The following STXBP4 variants were observed in gnomAD, a reference collection of about 807,000 sequenced individuals.
STXBP4 encodes the protein syntaxin-binding protein 4.
A neutral mutation model predicts 76.1 loss-of-function variants in STXBP4; 55 were observed. That is an observed-to-expected ratio of 0.72 (90% CI 0.58 to 0.91). The LOEUF (loss-of-function observed/expected upper bound fraction) is 0.91. STXBP4 is among the 40% of genes least tolerant of loss of function. The pLI, the probability that STXBP4 is intolerant of heterozygous loss-of-function variation, is 0.00. For missense variants in STXBP4, 618 were observed against 636.9 expected, an observed-to-expected ratio of 0.97 and a Z score of 0.32; for synonymous variants, 201 against 220.2, an observed-to-expected ratio of 0.91 and a Z score of 0.77.
chr17:55,066,195 GTTGTT>G (rs4048521), intron 12 of STXBP4, among the ~76,000 whole-genome samples: 42,834 of 148,884 alleles, frequency 0.29, 6,256 homozygotes, highest in South Asian at 0.36. Context: ...TGTGGGTTTT[GTTGTT>G]TTGTTTTGTT....
chr17:55,087,006 A>G (rs867681903), intron 16 of STXBP4, among the ~76,000 whole-genome samples: 1 of 152,034 alleles, frequency 6.6e-6, no homozygotes, highest in Non-Finnish European at 1.5e-5. Flanking sequence ...CATTTCCCTG[A>G]CGATTAGTGA....
intron 10 of STXBP4, among the ~76,000 whole-genome samples, chr17:55,035,598 T>A (rs1312198874): frequency 6.6e-6 from 1 of 151,922 alleles, no homozygotes; most frequent in African/African-American, 2.4e-5. Context: ...AAATTAAAAT[T>A]TTCTTCCATA....
At chr17:55,005,230 C>G (rs1459226043) in intron 7 of STXBP4, among the ~76,000 whole-genome samples, 1 of 152,106 alleles carries the variant, frequency 6.6e-6, no homozygotes, top group African/African-American at 2.4e-5. Context: ...GGTTTATTCC[C>G]TCTACTTTAT....
At chr17:55,008,980 CA>C (rs2078056645) in intron 8 of STXBP4, among the ~76,000 whole-genome samples, 1 of 152,168 alleles carries the variant, frequency 6.6e-6, no homozygotes, top group Non-Finnish European at 1.5e-5. Context: ...TAGTTCGGAC[CA>C]ACATTGCCTT....
intron 10 of STXBP4, among the ~76,000 whole-genome samples, chr17:55,041,048 G>T (rs1318830882): frequency 6.6e-6 from 1 of 151,880 alleles, no homozygotes; most frequent in Non-Finnish European, 1.5e-5. Flanking sequence ...ATTATAAAAC[G>T]TTTTTTTAAG....
intron 17 of STXBP4, among the ~76,000 whole-genome samples, chr17:55,151,768 G>GCTT (rs1410425071): frequency 5.9e-5 from 9 of 152,164 alleles, no homozygotes; most frequent in African/African-American, 2.2e-4. Context: ...AACAAGATTT[G>GCTT]CTTAGCTAAA....
chr17:55,053,114 T>C (rs1044784824), intron 12 of STXBP4, among the ~76,000 whole-genome samples: 7 of 151,986 alleles, frequency 4.6e-5, no homozygotes, highest in Admixed American at 6.6e-5. Flanking sequence ...AAGGATATTA[T>C]TGGGTCAGTT....
chr17:54,992,951 G>A (rs904476221), intron 4 of STXBP4, among the ~76,000 whole-genome samples: 2 of 151,946 alleles, frequency 1.3e-5, no homozygotes, highest in Non-Finnish European at 2.9e-5. Flanking sequence ...AACCTCAGGC[G>A]ATCCATCCGC....
chr17:55,111,729 A>G (rs1438608961), intron 16 of STXBP4, among the ~76,000 whole-genome samples: 5 of 152,304 alleles, frequency 3.3e-5, no homozygotes, highest in South Asian at 4.1e-4. Context: ...CCATGTTTGT[A>G]TAGCCTACAG....
At chr17:54,988,846 CTGAT>C (rs1336994413) in intron 3 of STXBP4, among the ~76,000 whole-genome samples, 1 of 152,136 alleles carries the variant, frequency 6.6e-6, no homozygotes, top group East Asian at 1.9e-4. Context: ...TTTTTTCTAG[CTGAT>C]TGACTATTGC....
At chr17:55,009,282 C>G (rs1195610728) in intron 8 of STXBP4, among the ~76,000 whole-genome samples, 1 of 151,964 alleles carries the variant, frequency 6.6e-6, no homozygotes, top group Admixed American at 6.6e-5. Context: ...GTAATATTTT[C>G]AAAAATAGAG....
downstream of STXBP4, among the ~76,000 whole-genome samples, chr17:55,176,830 C>T (rs908603891): frequency 5.3e-5 from 8 of 152,128 alleles, no homozygotes; most frequent in Non-Finnish European, 1.0e-4. Flanking sequence ...AATCCTCTCT[C>T]CCTCTTCTTG....
the STXBP4 span, among the ~76,000 whole-genome samples, chr17:55,191,635 G>T: frequency 6.6e-6 from 1 of 152,078 alleles, no homozygotes; most frequent in African/African-American, 2.4e-5. Flanking sequence ...CTCAGTCTCT[G>T]ACTCTTTTTC....
At chr17:55,134,918 C>T (rs1210647349) in intron 16 of STXBP4, among the ~76,000 whole-genome samples, 1 of 146,006 alleles carries the variant, frequency 6.8e-6, no homozygotes, top group African/African-American at 2.6e-5. Context: ...CATCTTCAGT[C>T]TAGGTCATGG....
intron 4 of STXBP4, among the ~76,000 whole-genome samples, chr17:54,995,361 T>C (rs150046689): frequency 7.6e-4 from 116 of 152,306 alleles, no homozygotes; most frequent in African/African-American, 2.4e-3. Context: ...TTGTTGCTGG[T>C]AACATAGGGA....
intron 12 of STXBP4, among the ~76,000 whole-genome samples, chr17:55,064,731 C>T (rs1337832198): frequency 6.6e-6 from 1 of 152,108 alleles, no homozygotes; most frequent in South Asian, 2.1e-4. Context: ...GTCTCGAACT[C>T]GTGACCTTGC....
intron 16 of STXBP4, among the ~76,000 whole-genome samples, chr17:55,105,638 AT>A (rs541274850): frequency 0.027 from 3,818 of 141,152 alleles, 93 homozygotes; most frequent in East Asian, 0.17. Context: ...CCCAGCTAAT[AT>A]TTTTTTTTTT....
intron 8 of STXBP4, among the ~76,000 whole-genome samples, chr17:55,022,531 G>T (rs1162670550): frequency 6.6e-6 from 1 of 152,020 alleles, no homozygotes; most frequent in East Asian, 1.9e-4. Context: ...TTGTTTCCTG[G>T]TATTTATAAT....
At chr17:55,008,605 A>G (rs1410769122) in intron 8 of STXBP4, among the ~76,000 whole-genome samples, 1 of 152,182 alleles carries the variant, frequency 6.6e-6, no homozygotes, top group African/African-American at 2.4e-5. Context: ...TATTTTTATG[A>G]ACAGTCATAC....
Sources: gnomAD v4.1 joint callset for allele counts (sites outside exome capture counted in the v4.1 genomes callset) on GRCh38, gnomAD v4.1.1 for gene constraint, MANE v1.5 for transcripts, NCBI Gene and HGNC (gene_info 2026-07-23, HGNC 2026-07-21) for gene names.